ICAM5: variants seen among roughly 807,000 people sequenced by gnomAD.
ICAM5 encodes the protein intercellular adhesion molecule 5.
In ICAM5, 38 loss-of-function variants were observed where a neutral mutation model predicts 78.8. The observed-to-expected ratio is 0.48, with a 90% CI of 0.37 to 0.63. The LOEUF (loss-of-function observed/expected upper bound fraction) is 0.63. Among genes scored for constraint, ICAM5 ranks in the 30% least tolerant of loss-of-function variants. The probability of loss-of-function intolerance (pLI) is 0.00; values close to 1 mark genes in which losing one functional copy is unlikely to be tolerated. For missense variants in ICAM5, 1,059 were observed against 1,303.0 expected (o/e 0.81, Z 2.88); for synonymous variants, 544 against 590.9 (o/e 0.92, Z 1.15).
intron 10 of ICAM5, among the ~76,000 whole-genome samples, 193 bp downstream of exon 10, chr19:10,295,805 CA>C (rs768269310): frequency 1.3e-5 from 2 of 152,126 alleles, no homozygotes; most frequent in Non-Finnish European, 2.9e-5. Flanking sequence ...ATGGAGGTGG[CA>C]GGGGGACTGA....
At position 10,290,996 on chromosome 19, in the gene ICAM5, AC is replaced by A. The variant is rs1471758479; in HGVS notation, c.83-73del. ...TCCTCCTCCTCCCCGCCCTCTGAGA[AC>A]CCTTGACTCGACATAGGGGCGCTAA... On this transcript the variant is annotated intron_variant, in intron 1 of 10. Transcript: ENST00000221980. The surrounding 1 kb of genome is among the most constrained non-coding windows in gnomAD (Gnocchi z 5.7). 6.1e-6 allele frequency: 9 copies of A among 1,484,076 alleles called. No individual in the cohort carries two copies. The East Asian group carries it at 2.2e-4, about 36-fold the overall frequency. 91.9% of individuals were successfully genotyped at this position (1,484,076 alleles called of 1,614,324 possible).
chr19:10,292,346 G>A, intron 4 of ICAM5, 24 bp downstream of exon 4: 1 of 1,558,626 alleles, frequency 6.4e-7, no homozygotes, highest in Non-Finnish European at 8.7e-7. Context: ...CGGGGTCTCC[G>A]CGGCTCCGAG....
chr19:10,295,037 A>G (rs1371508549), intron 9 of ICAM5, among the ~76,000 whole-genome samples: 3 of 152,200 alleles, frequency 2.0e-5, no homozygotes, highest in East Asian at 1.9e-4. Flanking sequence ...AGCCTGGGCA[A>G]CAGAGTGAGA....
At position 10,292,789 on chromosome 19, in the gene ICAM5, GCTT is replaced by G. The variant is rs1426779363; in HGVS notation, c.1145_1147del (p.Phe382del). ...GCCACCGAGAACGACGACAGACGCA[GCTT>G]CTTCTGCGACGCCACCCTCGATGTG... On this transcript the variant is annotated inframe_deletion, in exon 5 of 11. Transcript: ENST00000221980. 6.2e-7 allele frequency: 1 copy of G among 1,613,540 alleles called. No homozygotes were observed. The highest frequency in any genetic ancestry group is 8.5e-7 in the Non-Finnish European group (1 of 1,179,996).
chr19:10,290,404 C>A lies in ICAM5; in HGVS notation c.82+279C>A. 2.4e-6 allele frequency: 1 copy of A among 417,486 alleles called. No homozygotes were observed. Among genetic ancestry groups the A allele is most frequent in the Non-Finnish European group, 4.3e-6 (1 of 232,956 alleles). 25.9% of individuals were successfully genotyped at this position (417,486 alleles called of 1,614,324 possible). A position where few individuals can be genotyped will look rare whatever the true frequency, so the allele number is the denominator to read the frequency against. ...CCCAGTGTCTCTCCTGTCCGCTCCC[C>A]GGGTACCTCCTTACGCTGTGCTGTG... On this transcript the variant is annotated intron_variant, in intron 1 of 10. Transcript: ENST00000221980. The surrounding 1 kb of genome is among the most constrained non-coding windows in gnomAD (Gnocchi z 5.7).
Position 10,296,378 on chromosome 19 carries a change from G to A in ICAM5, c.2537G>A (p.Gly846Asp). Residue 846 changes from glycine to aspartate, a missense_variant, in exon 11 of 11, where the codon GGC becomes GAC. Physicochemically the swap from Gly to Asp is moderately conservative, Grantham distance 94. Around this residue, in one of 3 missense-constraint regions of ICAM5, gnomAD observed 109 missense variants for 120.0 expected, o/e 0.91. Transcript: ENST00000221980. ...LWVAVGGAAG[G>D]AALLAAGAGL... Reference sequence around the variant, plus strand: ...GTCGCCGTGGGCGGCGCGGCGGGGGGCGCGGCGCTGCTGGCCGCGGGGGCC... The same window carrying A: ...GTCGCCGTGGGCGGCGCGGCGGGGGACGCGGCGCTGCTGGCCGCGGGGGCC... The A allele has an allele frequency of 7.9e-7, 1 of 1,257,954 alleles. No homozygotes were observed. Among genetic ancestry groups the A allele is most frequent in the Non-Finnish European group, 1.0e-6 (1 of 993,824 alleles). 77.9% of individuals were successfully genotyped at this position (1,257,954 alleles called of 1,614,324 possible). A position where few individuals can be genotyped will look rare whatever the true frequency, so the allele number is the denominator to read the frequency against.
At position 10,293,551 on chromosome 19, in the gene ICAM5, C is replaced by G. The variant is rs2569703; in HGVS notation, c.1466-147C>G. On this transcript the variant is annotated intron_variant, in intron 6 of 10. Coordinates refer to ENST00000221980, the MANE Select transcript of ICAM5 (RefSeq NM_003259.4). This position sits in a 1 kb window ranked among gnomAD's most constrained non-coding sequence, Gnocchi z 5.0. ...AGGAAGCTCCCAGACAGAGTGCATG[C>G]CTCGACTAGCGTGACACCTCCTTGG... is the stretch of plus-strand genomic sequence containing the variant. 0.55 allele frequency: 643,854 copies of G among 1,173,946 alleles called. 178,548 individuals carry two copies. The highest frequency in any genetic ancestry group is 0.64 in the Admixed American group (25,598 of 40,236). The allele number at this position is 1,173,946 out of a possible 1,614,324, so 72.7% of individuals were successfully genotyped here.
intron 10 of ICAM5, 45 bp from the exon 11 acceptor site, chr19:10,296,294 C>T (rs959962629): frequency 1.6e-6 from 2 of 1,223,802 alleles, no homozygotes; most frequent in Non-Finnish European, 2.0e-6. Flanking sequence ...GTGGGAGAAG[C>T]CCCCCGGAGC....
In ICAM5 at chr19:10,293,000, G is replaced by T. The variant is rs780249348; in HGVS notation, c.1219G>T (p.Ala407Ser). 2.5e-6 allele frequency: 4 copies of T among 1,610,878 alleles called. No homozygotes were observed. The highest frequency in any genetic ancestry group is 3.4e-6 in the Non-Finnish European group (4 of 1,179,998). Reference protein sequence around the residue: ...NRSAELRVLYAPRLDDSDCPR... With the variant: ...NRSAELRVLYSPRLDDSDCPR... ...GTAACCCCACGCCCTGCCCGCAGAC[G>T]CTCCCCGGCTAGACGATTCGGACTG... Residue 407 changes from alanine (A) to serine (S), a missense_variant and splice_region_variant, in exon 6 of 11, where the codon GCT (alanine) becomes TCT (serine). By Grantham distance (99) the Ala-to-Ser change is moderately conservative. Transcript: ENST00000221980.
chr19:10,293,798 T>G lies in ICAM5; in HGVS notation c.1566T>G (p.Pro522=). ...LSCVAHGVPP[P]DVICVRSGEL... ...GTGTGGCGCACGGGGTACCGCCGCCTGATGTGATCTGCGTGCGCTCTGGAG... is the reference window on the plus strand; with the variant it reads ...GTGTGGCGCACGGGGTACCGCCGCCGGATGTGATCTGCGTGCGCTCTGGAG... Residue 522 remains proline, a synonymous_variant, in exon 7 of 11, where the codon CCT becomes CCG. Transcript: ENST00000221980. The surrounding 1 kb of genome is among the most constrained non-coding windows in gnomAD (Gnocchi z 5.0). 2 of 1,613,686 alleles carry G rather than the reference T, an allele frequency of 1.2e-6. No individual in the cohort carries two copies.
Position 10,294,200 on chromosome 19 carries a change from C to T in ICAM5, c.1872C>T (p.Pro624=), listed in dbSNP as rs1164025081. ...AGGGGGTGCTGCTGCCGCTGGCACC[C>T]CCAGACCCTAGTCCCAGAGCTCCCA... ...ATEGVLLPLA[P]PDPSPRAPRI... Residue 624 remains proline, a synonymous_variant, in exon 8 of 11, where the codon CCC becomes CCT. Transcript: ENST00000221980. The surrounding 1 kb of genome is among the most constrained non-coding windows in gnomAD (Gnocchi z 7.7). The T allele has an allele frequency of 1.9e-6, 3 of 1,614,060 alleles. No homozygotes were observed. Among genetic ancestry groups the T allele is most frequent in the South Asian group, 1.1e-5 (1 of 91,084 alleles).
In ICAM5 at chr19:10,296,357, C is replaced by G. The variant is rs1352469474; in HGVS notation, c.2516C>G (p.Ala839Gly). 1.6e-6 allele frequency: 2 copies of G among 1,248,248 alleles called. No homozygotes were observed. Among genetic ancestry groups the G allele is most frequent in the Non-Finnish European group, 2.0e-6 (2 of 988,654 alleles). 77.3% of individuals were successfully genotyped at this position (1,248,248 alleles called of 1,614,324 possible). A position where few individuals can be genotyped will look rare whatever the true frequency, so the allele number is the denominator to read the frequency against. ...VRVAGPWLWV[A>G]VGGAAGGAAL... ...CCCGCAGGTCCGTGGCTATGGGTCG[C>G]CGTGGGCGGCGCGGCGGGGGGCGCG... The change falls in exon 11 of 11, where the codon GCC becomes GGC. Residue 839 changes from alanine to glycine, a missense_variant. Ala to Gly is a moderately conservative substitution (Grantham distance 60). Around this residue, in one of 3 missense-constraint regions of ICAM5, gnomAD observed 135 missense variants for 230.2 expected, o/e 0.59. Coordinates refer to ENST00000221980, the MANE Select transcript of ICAM5 (RefSeq NM_003259.4).
rs1342921714 is a variant in ICAM5, at chr19:10,292,283, G to A, written c.922G>A (p.Gly308Ser). 6.2e-7 allele frequency: 1 copy of A among 1,611,450 alleles called. No individual in the cohort carries two copies. The highest frequency in any genetic ancestry group is 1.7e-5 in the Admixed American group (1 of 59,886). ...GCTGGTCTGCAACGTCACCCTGGGG[G>A]GCGAAAACCGGGAGACCCGGGAGAA... ...RQLVCNVTLG[G>S]ENRETRENVT... The change falls in exon 4 of 11, where the codon GGC becomes AGC. Residue 308 changes from glycine (G) to serine (S), a missense_variant. By Grantham distance (56) the Gly-to-Ser change is moderately conservative (BLOSUM62 0). Around this residue, in one of 3 missense-constraint regions of ICAM5, gnomAD observed 815 missense variants for 952.8 expected, o/e 0.86. Transcript: ENST00000221980.
intron 4 of ICAM5, 50 bp from the exon 5 acceptor site, chr19:10,292,562 C>G (rs752645471): frequency 2.0e-6 from 3 of 1,519,014 alleles, no homozygotes; most frequent in Non-Finnish European, 2.6e-6. Context: ...GGGCCTTGAC[C>G]GGAGGGAGGG....
chr19:10,294,603 T>C lies in ICAM5; in HGVS notation c.2193T>C (p.His731=). 6.2e-7 allele frequency: 1 copy of C among 1,612,546 alleles called. No individual in the cohort carries two copies. The change falls in exon 9 of 11, where the codon CAT becomes CAC. Residue 731 remains histidine (H), a synonymous_variant. Coordinates refer to ENST00000221980, the MANE Select transcript of ICAM5 (RefSeq NM_003259.4). This position sits in a 1 kb window ranked among gnomAD's most constrained non-coding sequence, Gnocchi z 7.7. ...ACCACTGTGTGGCCACCAATGCGCA[T>C]GGCACGGACTCCCGGACCGTCACTG... ...GTYHCVATNA[H]GTDSRTVTVG...
Position 10,293,821 on chromosome 19 carries a change from G to T in ICAM5, c.1589G>T (p.Gly530Val), listed in dbSNP as rs775502255. 2.0e-5 allele frequency: 33 copies of T among 1,613,278 alleles called. No homozygotes were observed. Among genetic ancestry groups the T allele is most frequent in the Admixed American group, 5.0e-5 (3 of 59,998 alleles). The change falls in exon 7 of 11, where the codon GGA becomes GTA. Residue 530 changes from glycine (G) to valine (V), a missense_variant. Around this residue, in one of 3 missense-constraint regions of ICAM5, gnomAD observed 815 missense variants for 952.8 expected, o/e 0.86. Coordinates refer to ENST00000221980, the MANE Select transcript of ICAM5 (RefSeq NM_003259.4). The surrounding 1 kb of genome is among the most constrained non-coding windows in gnomAD (Gnocchi z 5.0). ...PPPDVICVRS[G>V]ELGAVIEGLL... ...CCTGATGTGATCTGCGTGCGCTCTG[G>T]AGAACTCGGGGCCGTCATCGAGGGG...
rs1344058697 is a variant in ICAM5, at chr19:10,294,196, C to T, written c.1868C>T (p.Ala623Val). 6.2e-7 allele frequency: 1 copy of T among 1,613,986 alleles called. No individual in the cohort carries two copies. Among genetic ancestry groups the T allele is most frequent in the South Asian group, 1.1e-5 (1 of 91,078 alleles). ...ACTGAGGGGGTGCTGCTGCCGCTGG[C>T]ACCCCCAGACCCTAGTCCCAGAGCT... ...GATEGVLLPL[A>V]PPDPSPRAPR... The change falls in exon 8 of 11, where the codon GCA (alanine) becomes GTA (valine). Residue 623 changes from alanine to valine, a missense_variant. Coordinates refer to ENST00000221980, the MANE Select transcript of ICAM5 (RefSeq NM_003259.4). The surrounding 1 kb of genome is among the most constrained non-coding windows in gnomAD (Gnocchi z 7.7).
In ICAM5 at chr19:10,290,805, C is replaced by T. The variant is rs2040164693; in HGVS notation, c.83-267C>T. Reference sequence around the variant, plus strand: ...AACCCACCTTTCCTCTCCTCTACGCCCTCCCCCCATGCTTTCCCGCCGCTC... The same window carrying T: ...AACCCACCTTTCCTCTCCTCTACGCTCTCCCCCCATGCTTTCCCGCCGCTC... On this transcript the variant is annotated intron_variant, in intron 1 of 10. Transcript: ENST00000221980. This position sits in a 1 kb window ranked among gnomAD's most constrained non-coding sequence, Gnocchi z 5.7. 3 of 569,960 alleles carry T rather than the reference C, an allele frequency of 5.3e-6. No homozygotes were observed. The Admixed American group carries it at 9.3e-5, about 18-fold the overall frequency. 35.3% of individuals were successfully genotyped at this position (569,960 alleles called of 1,614,324 possible).
At chr19:10,291,460 A>AAGTCCAAGTCCCGGG in intron 2 of ICAM5, 29 bp from the exon 3 acceptor site, 7 of 1,610,816 alleles carry the variant, frequency 4.3e-6, no homozygotes, top group Non-Finnish European at 5.1e-6. Flanking sequence ...CCCGGTGTTC[A>AAGTCCAAGTCCCGGG]AAGAGCTGCG....
Sources: allele counts gnomAD v4.1 joint callset (sites outside exome capture counted in the v4.1 genomes callset), GRCh38; gene constraint gnomAD v4.1.1; regional missense constraint gnomAD v4.1.1; non-coding constraint Gnocchi (gnomAD v3.1); transcripts MANE v1.5; gene names NCBI Gene and HGNC (gene_info 2026-07-23, HGNC 2026-07-21).